KIAA2012: variants seen among roughly 807,000 people sequenced by gnomAD.
KIAA2012 encodes the protein KIAA2012, also known as uncharacterized protein KIAA2012.
Under a neutral mutation model 150.6 loss-of-function variants are expected in KIAA2012, and 125 were observed. The ratio of observed to expected loss-of-function variants is 0.83; its 90% confidence interval spans 0.72 to 0.96. KIAA2012 has a LOEUF of 0.96. KIAA2012 is among the 40% of genes least tolerant of loss of function. The probability of loss-of-function intolerance (pLI) is 0.00; values close to 1 mark genes in which losing one functional copy is unlikely to be tolerated. For synonymous variants in KIAA2012, 462 were observed against 504.7 expected (o/e 0.92, Z 1.13); for missense variants, 1,219 against 1,354.9 (o/e 0.90, Z 1.57).
chr2:202,188,408 C>T, intron 18 of KIAA2012, 142 bp downstream of exon 18: 1 of 645,982 alleles, frequency 1.5e-6, no homozygotes, highest in South Asian at 2.3e-5. Context: ...GATGGTGTTG[C>T]AGCCTTATGT....
intron 13 of KIAA2012, among the ~76,000 whole-genome samples, chr2:202,144,307 A>G (rs967411395): frequency 2.0e-5 from 3 of 152,188 alleles, no homozygotes; most frequent in South Asian, 2.1e-4. Flanking sequence ...TTCAGGTTTC[A>G]TAAGTTTACA....
intron 14 of KIAA2012, among the ~76,000 whole-genome samples, chr2:202,160,165 C>T (rs548322871): frequency 6.6e-6 from 1 of 152,158 alleles, no homozygotes; most frequent in Non-Finnish European, 1.5e-5. Flanking sequence ...TATCAGAGAT[C>T]TATGAGGTCT....
intron 2 of KIAA2012, among the ~76,000 whole-genome samples, chr2:202,088,023 T>A (rs1021246879): frequency 6.6e-6 from 1 of 151,480 alleles, no homozygotes; most frequent in Non-Finnish European, 1.5e-5. Flanking sequence ...GTATAACAAC[T>A]ATTTATACCG....
At chr2:202,086,038 G>A (rs1437132439) in intron 2 of KIAA2012, among the ~76,000 whole-genome samples, 2 of 151,726 alleles carry the variant, frequency 1.3e-5, no homozygotes, top group African/African-American at 4.8e-5. Context: ...TGTAGTGTTG[G>A]GTATCTGTAA....
chr2:202,201,363 A>G, intron 22 of KIAA2012: 1 of 1,584,754 alleles, frequency 6.3e-7, no homozygotes, highest in Non-Finnish European at 8.7e-7. Context: ...TCCCGGCACA[A>G]AGGTGGCCTT....
At chr2:202,107,177 T>A (rs1690218235) in intron 9 of KIAA2012, among the ~76,000 whole-genome samples, 1 of 152,100 alleles carries the variant, frequency 6.6e-6, no homozygotes, top group African/African-American at 2.4e-5. Flanking sequence ...TTCTTACTCA[T>A]TAGACTACAT....
intron 15 of KIAA2012, among the ~76,000 whole-genome samples, chr2:202,174,258 C>G (rs1691950809): frequency 6.6e-6 from 1 of 152,156 alleles, no homozygotes; most frequent in Non-Finnish European, 1.5e-5. Context: ...CGGCACTGCG[C>G]CTGGCCAAGA....
chr2:202,103,175 T>G, intron 8 of KIAA2012, 61 bp downstream of exon 8: 1 of 1,482,822 alleles, frequency 6.7e-7, no homozygotes, highest in African/African-American at 1.4e-5. Flanking sequence ...TCCTGCCACT[T>G]CTACATGCTC....
At chr2:202,082,546 A>G (rs1050590536) in intron 2 of KIAA2012, among the ~76,000 whole-genome samples, 11 of 152,030 alleles carry the variant, frequency 7.2e-5, no homozygotes, top group African/African-American at 2.7e-4. Context: ...CAGTGAGCCA[A>G]GATCGTGCCA....
At chr2:202,121,991 A>G (rs1011381007) in intron 11 of KIAA2012, among the ~76,000 whole-genome samples, 5 of 152,238 alleles carry the variant, frequency 3.3e-5, no homozygotes, top group African/African-American at 9.6e-5. Flanking sequence ...GGGGAGGGCC[A>G]GCCAGCCGAG....
intron 12 of KIAA2012, among the ~76,000 whole-genome samples, chr2:202,133,474 G>A (rs1691003354): frequency 6.6e-6 from 1 of 152,048 alleles, no homozygotes; most frequent in Non-Finnish European, 1.5e-5. Flanking sequence ...TTGAGACTTA[G>A]CTAGGCTTAA....
rs148900016 is a variant in KIAA2012, at chr2:202,080,577, T to C, written c.369+5402T>C. The stretch of plus-strand genomic sequence containing the variant: ...CAGGCGTGGTGGTGCATACCTGTAA[T>C]CCCTGCTACTCGGGAGGCTAAGGCA... On this transcript the variant is annotated intron_variant, in intron 2 of 23. Coordinates refer to ENST00000498697, the MANE Select transcript of KIAA2012 (RefSeq NM_001277372.4). Among the ~76,000 whole-genome samples, 320 of 151,412 alleles carry C rather than the reference T, an allele frequency of 2.1e-3. 1 individual carries two copies. The highest frequency in any genetic ancestry group is 7.6e-3 in the African/African-American group (314 of 41,190).
chr2:202,112,671 A>G (rs900675245), intron 10 of KIAA2012, among the ~76,000 whole-genome samples: 2 of 152,248 alleles, frequency 1.3e-5, no homozygotes, highest in Non-Finnish European at 2.9e-5. Context: ...ACCAGTTGGT[A>G]TCTGCTGGAG....
intron 19 of KIAA2012, 97 bp from the exon 20 acceptor site, chr2:202,193,204 A>G (rs1692351831): frequency 1.6e-6 from 2 of 1,225,200 alleles, no homozygotes; most frequent in Non-Finnish European, 2.3e-6. Flanking sequence ...TTATGATTCC[A>G]TCTTTGATTA....
intron 12 of KIAA2012, chr2:202,137,185 G>A (rs1008793301): frequency 1.3e-5 from 2 of 152,184 alleles, no homozygotes; most frequent in Admixed American, 1.3e-4. Context: ...CTACTTATGA[G>A]TATCAAGTAT....
intron 12 of KIAA2012, among the ~76,000 whole-genome samples, chr2:202,129,849 C>T (rs1041966289): frequency 6.6e-6 from 1 of 152,138 alleles, no homozygotes; most frequent in Non-Finnish European, 1.5e-5. Flanking sequence ...GGGACACACA[C>T]AATTTGTCAT....
intron 22 of KIAA2012, among the ~76,000 whole-genome samples, chr2:202,201,148 C>G (rs950271226): frequency 6.6e-6 from 1 of 152,168 alleles, no homozygotes; most frequent in Non-Finnish European, 1.5e-5. Flanking sequence ...CGCCCACATT[C>G]ATTTTATGAA....
intron 12 of KIAA2012, chr2:202,125,765 C>A (rs1319471666): frequency 2.4e-6 from 1 of 423,316 alleles, no homozygotes; most frequent in Non-Finnish European, 4.6e-6. Flanking sequence ...TCATTTCCCC[C>A]ATGGAGAGAT....
intron 21 of KIAA2012, among the ~76,000 whole-genome samples, chr2:202,196,186 C>CTTTTCTTTTTTTTTTT (rs59455367): frequency 4.5e-4 from 36 of 79,706 alleles, no homozygotes; most frequent in African/African-American, 1.2e-3. Context: ...CTTTTCTTTT[C>CTTTTCTTTTTTTTTTT]TTTTTTTTTT....
Sources: allele counts gnomAD v4.1 joint callset (sites outside exome capture counted in the v4.1 genomes callset), GRCh38; gene constraint gnomAD v4.1.1; transcripts MANE v1.5; gene names NCBI Gene and HGNC (gene_info 2026-07-23, HGNC 2026-07-21).